PARVB: variants seen among roughly 807,000 people sequenced by gnomAD.
The protein encoded by PARVB is beta-parvin.
In PARVB, 46 loss-of-function variants were observed where a neutral mutation model predicts 47.0. The ratio of observed to expected loss-of-function variants is 0.98; its 90% CI spans 0.77 to 1.25. PARVB has a LOEUF of 1.25. Among genes scored for constraint, PARVB ranks in the 50% most tolerant of loss-of-function variants. The pLI, the probability that PARVB is intolerant of heterozygous loss-of-function variation, is 0.00. For synonymous variants in PARVB, 196 were observed against 196.3 expected (o/e 1.00, Z 0.01); for missense variants, 473 against 471.6 (o/e 1.00, Z -0.03).
At chr22:44,088,059 CTG>C (rs940843596) in intron 1 of PARVB, among the ~76,000 whole-genome samples, 1 of 152,076 alleles carries the variant, frequency 6.6e-6, no homozygotes, top group Non-Finnish European at 1.5e-5. Context: ...CAGATGGAAA[CTG>C]AGACACACAG....
chr22:44,040,996 C>CTA (rs955314671), intron 1 of PARVB, among the ~76,000 whole-genome samples: 5 of 151,332 alleles, frequency 3.3e-5, no homozygotes, highest in Non-Finnish European at 7.4e-5. Context: ...GAGCAAGACT[C>CTA]TGTCTCAAAA....
intron 4 of PARVB, among the ~76,000 whole-genome samples, chr22:44,122,542 GAGAGAGAGAGACAC>G (rs2053083816): frequency 1.0e-4 from 11 of 105,598 alleles, no homozygotes; most frequent in South Asian, 2.8e-4. Flanking sequence ...GAGAGAGAGA[GAGAGAGAGAGACAC>G]AGAGACAGAG....
chr22:44,011,232 C>T (rs1414939760), intron 2 of PARVB, among the ~76,000 whole-genome samples: 3 of 152,130 alleles, frequency 2.0e-5, no homozygotes, highest in African/African-American at 7.2e-5. Context: ...CCTCAGCCTC[C>T]CAAAGCCCTG....
intron 3 of PARVB, among the ~76,000 whole-genome samples, chr22:44,102,226 T>C (rs749588592): frequency 3.9e-5 from 6 of 152,132 alleles, no homozygotes; most frequent in Non-Finnish European, 7.4e-5. Flanking sequence ...CTCCACCTTT[T>C]TGTTCTATGG....
chr22:44,045,970 TG>T (rs1459245159), intron 1 of PARVB, among the ~76,000 whole-genome samples: 1 of 152,218 alleles, frequency 6.6e-6, no homozygotes, highest in Non-Finnish European at 1.5e-5. Context: ...ATTGGAATTT[TG>T]GGAGGAATTG....
intron 5 of PARVB, 121 bp from the exon 6 acceptor site, chr22:44,132,773 G>T: frequency 1.6e-6 from 1 of 633,524 alleles, no homozygotes; most frequent in South Asian, 1.9e-5. Context: ...TCCACACTTC[G>T]CTCCATCCTT....
chr22:44,004,596 A>G (rs1210081056), intron 2 of PARVB, among the ~76,000 whole-genome samples: 1 of 152,188 alleles, frequency 6.6e-6, no homozygotes, highest in Admixed American at 6.5e-5. Flanking sequence ...TTCTCTCAAG[A>G]TATAAGAAAT....
intron 10 of PARVB, among the ~76,000 whole-genome samples, chr22:44,156,513 G>A (rs1397164909): frequency 6.6e-6 from 1 of 152,050 alleles, no homozygotes; most frequent in Non-Finnish European, 1.5e-5. Flanking sequence ...TCCTGACCTT[G>A]TGATCCACCC....
chr22:44,025,442 G>A (rs997120339), intron 1 of PARVB, among the ~76,000 whole-genome samples: 9 of 152,068 alleles, frequency 5.9e-5, no homozygotes, highest in Admixed American at 5.9e-4. Flanking sequence ...TTGCCTCTAG[G>A]CATGTGTGTG....
rs572861068 is a variant in PARVB at position 44,096,031 on chromosome 22, C to T, written c.202+2014C>T. 2.6e-5 allele frequency among the ~76,000 whole-genome samples: 4 copies of T among 152,304 alleles called. No individual in the cohort carries two copies. The East Asian group carries it at 7.7e-4, about 29-fold the overall frequency. On this transcript the variant is annotated intron_variant, in intron 2 of 12. Transcript: ENST00000338758. ...CTGACGTCAGGAGTTCGAAACCAGCCTGGCCAACATGGCAAAACCCTGTCT... is the reference window on the plus strand; with the variant it reads ...CTGACGTCAGGAGTTCGAAACCAGCTTGGCCAACATGGCAAAACCCTGTCT...
chr22:44,002,943 C>T (rs897357255), intron 2 of PARVB, among the ~76,000 whole-genome samples: 1 of 152,048 alleles, frequency 6.6e-6, no homozygotes, highest in Non-Finnish European at 1.5e-5. Flanking sequence ...CTTTTAAGAG[C>T]AACAAACATT....
chr22:44,109,344 A>T (rs929483964), intron 3 of PARVB: 50 of 152,244 alleles, frequency 3.3e-4, no homozygotes, highest in African/African-American at 8.2e-4. Context: ...GTAATTTTTT[A>T]AAAAAATTCT....
intron 3 of PARVB, 93 bp downstream of exon 3, chr22:44,100,216 G>A (rs759200442): frequency 3.9e-5 from 38 of 979,508 alleles, no homozygotes; most frequent in South Asian, 1.2e-4. Flanking sequence ...AGCTAAACCC[G>A]GGGCTCCTGA....
At chr22:44,041,290 G>A (rs1381699721) in intron 1 of PARVB, among the ~76,000 whole-genome samples, 2 of 151,950 alleles carry the variant, frequency 1.3e-5, no homozygotes, top group African/African-American at 2.4e-5. Context: ...TCAGGAGTTC[G>A]AGACCAGTCT....
intron 1 of PARVB, among the ~76,000 whole-genome samples, chr22:44,063,902 G>A (rs1220096929): frequency 2.6e-5 from 4 of 152,176 alleles, no homozygotes; most frequent in African/African-American, 9.7e-5. Context: ...CACATTCCGT[G>A]TCACTTCCCA....
At chr22:44,095,633 G>T (rs577721951) in intron 2 of PARVB, among the ~76,000 whole-genome samples, 1 of 152,200 alleles carries the variant, frequency 6.6e-6, no homozygotes, top group African/African-American at 2.4e-5. Context: ...AGGCCCCTGC[G>T]CTCACTGCCT....
chr22:44,021,643 G>A (rs921032036), upstream of PARVB, among the ~76,000 whole-genome samples: 1 of 152,074 alleles, frequency 6.6e-6, no homozygotes, highest in Non-Finnish European at 1.5e-5. Flanking sequence ...GCATGGTGGA[G>A]GAAAACCAAT....
chr22:44,021,756 GACTCAC>G (rs796811804), upstream of PARVB, among the ~76,000 whole-genome samples: 1,286 of 105,076 alleles, frequency 0.012, 29 homozygotes, highest in South Asian at 0.026. Flanking sequence ...GTAAAGTCTA[GACTCAC>G]ACACACACAC....
chr22:44,091,549 C>T (rs542466347), intron 1 of PARVB, among the ~76,000 whole-genome samples: 2 of 152,282 alleles, frequency 1.3e-5, no homozygotes, highest in South Asian at 2.1e-4. Context: ...ACTCGAGGGA[C>T]CTCCTACTGG....
Sources: gnomAD v4.1 joint callset for allele counts (sites outside exome capture counted in the v4.1 genomes callset) on GRCh38, gnomAD v4.1.1 for gene constraint, MANE v1.5 for transcripts, NCBI Gene and HGNC (gene_info 2026-07-23, HGNC 2026-07-21) for gene names.